Variants in HACE1 observed in about 807,000 individuals in gnomAD.
The protein encoded by HACE1 is E3 ubiquitin-protein ligase HACE1.
HACE1 carries 73 observed loss-of-function variants against 118.4 expected under a neutral mutation model. That is an observed-to-expected ratio of 0.62 (90% CI 0.51 to 0.75). The LOEUF (loss-of-function observed/expected upper bound fraction) is 0.75. HACE1 is among the 30% of genes least tolerant of loss of function. The pLI is 0.00. For missense variants in HACE1, 749 were observed against 1,102.2 expected, an observed-to-expected ratio of 0.68 and a Z score of 4.54; for synonymous variants, 368 against 374.8, an observed-to-expected ratio of 0.98 and a Z score of 0.21.
chr6:104,852,404 C>A (rs1243696072), intron 1 of HACE1, 33 bp from the exon 2 acceptor site: 1 of 1,298,000 alleles, frequency 7.7e-7, no homozygotes, highest in South Asian at 1.2e-5. Context: ...TTCATTTATC[C>A]CCTACTTTGT....
intron 3 of HACE1, among the ~76,000 whole-genome samples, chr6:104,850,690 A>G (rs1776115453): frequency 6.6e-6 from 1 of 152,236 alleles, no homozygotes; most frequent in African/African-American, 2.4e-5. Flanking sequence ...CTCATCTGAT[A>G]TAAAACAAAG....
At position 104,764,124 on chromosome 6, in the gene HACE1, G is replaced by C. The variant is rs536528957; in HGVS notation, c.2211+7069C>G. ...GAGTCTCACTCTGTTGCTCAGGCTG[G>C]AGTGCAGTGGCACTGTGATCTTGGT... is the stretch of plus-strand genomic sequence containing the variant. On this transcript the variant is annotated intron_variant, in intron 19 of 23. Transcript: ENST00000262903. Among the ~76,000 whole-genome samples the C allele has an allele frequency of 4.6e-5, 7 of 152,274 alleles. No individual in the cohort carries two copies. The East Asian group carries it at 1.4e-3, about 29-fold the overall frequency.
chr6:104,813,747 T>G (rs1452432299), intron 6 of HACE1, among the ~76,000 whole-genome samples: 2 of 137,714 alleles, frequency 1.5e-5, no homozygotes, highest in African/African-American at 5.8e-5. Context: ...CCATTACACA[T>G]GAATGAACAG....
intron 4 of HACE1, among the ~76,000 whole-genome samples, chr6:104,845,517 G>T (rs1361437865): frequency 7.3e-6 from 1 of 136,064 alleles, no homozygotes; most frequent in Non-Finnish European, 1.5e-5. Context: ...TCACTCTGTC[G>T]CCCAGGCTGG....
At chr6:104,858,193 A>G (rs1776935137) in intron 1 of HACE1, among the ~76,000 whole-genome samples, 1 of 152,198 alleles carries the variant, frequency 6.6e-6, no homozygotes, top group African/African-American at 2.4e-5. Context: ...CATTTATGTA[A>G]AAAATATCGG....
intron 20 of HACE1, among the ~76,000 whole-genome samples, chr6:104,746,287 G>A (rs546537080): frequency 1.3e-5 from 2 of 152,286 alleles, no homozygotes; most frequent in East Asian, 1.9e-4. Flanking sequence ...CTAGTATAGG[G>A]TGTGTTTTAG....
chr6:104,743,822 CAAATATTA>C (rs71003445), intron 22 of HACE1, among the ~76,000 whole-genome samples: 33,838 of 143,278 alleles, frequency 0.24, 4,872 homozygotes, highest in African/African-American at 0.46. Context: ...CAGCAATATA[CAAATATTA>C]AAATATTAAA....
At chr6:104,791,687 T>C (rs199701111) in intron 10 of HACE1, 33 bp from the exon 11 acceptor site, 145 of 1,357,414 alleles carry the variant, frequency 1.1e-4, no homozygotes, top group Non-Finnish European at 1.5e-4. Context: ...GAGATTAGAG[T>C]AAAACAAATT....
chr6:104,840,083 T>C (rs955544516), intron 5 of HACE1, among the ~76,000 whole-genome samples: 30 of 152,158 alleles, frequency 2.0e-4, no homozygotes, highest in African/African-American at 7.2e-4. Flanking sequence ...TACTGTAATA[T>C]TATAGTATAG....
chr6:104,772,325 T>C (rs2114715752), intron 17 of HACE1, among the ~76,000 whole-genome samples: 1 of 152,264 alleles, frequency 6.6e-6, no homozygotes, highest in Non-Finnish European at 1.5e-5. Flanking sequence ...TTTAGAGTAC[T>C]TTTGACTGAA....
At position 104,744,172 on chromosome 6, in the gene HACE1, A is replaced by G; in HGVS notation, c.2501T>C (p.Phe834Ser). 1 of 1,589,418 alleles carries G rather than the reference A, an allele frequency of 6.3e-7. No homozygotes were observed. Among genetic ancestry groups the G allele is most frequent in the Non-Finnish European group, 8.6e-7 (1 of 1,157,614 alleles). The change falls in exon 22 of 24, where the codon TTT becomes TCT. Residue 834 changes from phenylalanine (F) to serine (S), a missense_variant. This residue lies in a region of HACE1 where 165 missense variants were observed against 229.9 expected (regional missense o/e 0.72). Coordinates refer to ENST00000262903, the MANE Select transcript of HACE1 (RefSeq NM_020771.4). ...AAATACTGCTTACCTGCCCGTAACAAACTGTAAGAGAAGAACTCTCTCCTC... is the reference window on the plus strand; with the variant it reads ...AAATACTGCTTACCTGCCCGTAACAGACTGTAAGAGAAGAACTCTCTCCTC... The part of the protein sequence containing the change: ...TQEERVLLLQ[F>S]VTGSSRVPHG...
At chr6:104,839,982 G>A (rs1774934928) in intron 5 of HACE1, among the ~76,000 whole-genome samples, 1 of 152,004 alleles carries the variant, frequency 6.6e-6, no homozygotes, top group South Asian at 2.1e-4. Flanking sequence ...CTCTAGCCTG[G>A]GCAACAGAGC....
rs150291385 is a variant in HACE1 at position 104,785,183 on chromosome 6, G to A, written c.1211C>T (p.Ser404Phe). 1.2e-6 allele frequency: 2 copies of A among 1,614,036 alleles called. No homozygotes were observed. Among genetic ancestry groups the A allele is most frequent in the Admixed American group, 1.7e-5 (1 of 59,994 alleles). Residue 404 changes from serine (S) to phenylalanine (F), a missense_variant, in exon 12 of 24, where the codon TCC becomes TTC. This residue lies in a region of HACE1 where 267 missense variants were observed against 312.2 expected (regional missense o/e 0.86). Transcript: ENST00000262903. ...TCCTGGAGGTTCAAATGGAGGAATG[G>A]AAGCAGCATCTTGATCTTGGCCTTT... ...KQKGQDQDAA[S>F]IPPFEPPGPG...
chr6:104,859,464 A>T, intron 1 of HACE1, 103 bp downstream of exon 1: 1 of 889,644 alleles, frequency 1.1e-6, no homozygotes, highest in East Asian at 3.1e-5. Flanking sequence ...GCGTTTTCTC[A>T]GCTTTCAGTT....
chr6:104,831,975 GAAGAGAGGAAGGAAGGAAGGA>G (rs1488959423), intron 6 of HACE1, among the ~76,000 whole-genome samples: 13 of 53,536 alleles, frequency 2.4e-4, no homozygotes, highest in African/African-American at 7.0e-4. Context: ...GAAGAGAAGA[GAAGAGAGGAAGGAAGGAAGGA>G]AGGAAGGAAG....
At chr6:104,766,597 TAA>T (rs1214151519) in intron 19 of HACE1, among the ~76,000 whole-genome samples, 1 of 152,230 alleles carries the variant, frequency 6.6e-6, no homozygotes, top group Non-Finnish European at 1.5e-5. Flanking sequence ...TTTAATCATA[TAA>T]GACTAGCAAT....
At chr6:104,743,504 G>GA (rs1455308746) in intron 22 of HACE1, among the ~76,000 whole-genome samples, 2 of 151,308 alleles carry the variant, frequency 1.3e-5, no homozygotes, top group African/African-American at 2.4e-5. Flanking sequence ...CATTTATAAT[G>GA]AAAAAAACCA....
At chr6:104,740,030 A>G (rs1003899905) in intron 22 of HACE1, among the ~76,000 whole-genome samples, 2 of 152,048 alleles carry the variant, frequency 1.3e-5, no homozygotes, top group African/African-American at 4.8e-5. Flanking sequence ...AAACCACTCA[A>G]CTACATGGAA....
chr6:104,740,119 T>C (rs146669089), intron 22 of HACE1, among the ~76,000 whole-genome samples: 27,861 of 142,594 alleles, frequency 0.2, 3,613 homozygotes, highest in African/African-American at 0.38. Context: ...TTGAAACCAA[T>C]GAGAACAACG....
Sources: gnomAD v4.1 joint callset for allele counts (sites outside exome capture counted in the v4.1 genomes callset) on GRCh38, gnomAD v4.1.1 for gene constraint, gnomAD v4.1.1 regional missense constraint, MANE v1.5 for transcripts, NCBI Gene and HGNC (gene_info 2026-07-23, HGNC 2026-07-21) for gene names.